OTUD7A: variants seen among roughly 807,000 people sequenced by gnomAD.
OTUD7A encodes OTU domain-containing protein 7A.
In OTUD7A, 12 loss-of-function variants were observed where a neutral mutation model predicts 65.7. The ratio of observed to expected loss-of-function variants is 0.18; its 90% CI spans 0.12 to 0.30. The LOEUF (loss-of-function observed/expected upper bound fraction) is 0.30. Among genes scored for constraint, OTUD7A ranks in the 10% least tolerant of loss-of-function variants. OTUD7A has a pLI of 1.00. For synonymous variants in OTUD7A, 641 were observed against 586.3 expected (o/e 1.09, Z -1.35); for missense variants, 1,148 against 1,304.8 (o/e 0.88, Z 1.85).
intron 1 of OTUD7A, among the ~76,000 whole-genome samples, chr15:31,833,192 TCCAAGA>T (rs1478256196): frequency 6.6e-6 from 1 of 152,186 alleles, no homozygotes; most frequent in African/African-American, 2.4e-5. Context: ...GGCCTTTATT[TCCAAGA>T]TGATTTCCCA....
chr15:31,747,030 A>AAAAAAAAAGTT (rs1407773536), intron 1 of OTUD7A, among the ~76,000 whole-genome samples: 2 of 152,148 alleles, frequency 1.3e-5, no homozygotes, highest in African/African-American at 4.8e-5. Flanking sequence ...TAAAAATACT[A>AAAAAAAAAGTT]CCACACAAAT....
chr15:31,832,533 T>C (rs1896959025), intron 1 of OTUD7A, among the ~76,000 whole-genome samples: 1 of 152,232 alleles, frequency 6.6e-6, no homozygotes. Flanking sequence ...TTCACACTGT[T>C]GTACAACCAT....
chr15:31,770,984 C>T (rs1033787697), intron 1 of OTUD7A, among the ~76,000 whole-genome samples: 7 of 152,184 alleles, frequency 4.6e-5, no homozygotes, highest in African/African-American at 1.4e-4. Flanking sequence ...TCTGCACCTA[C>T]GATCAAGAGC....
chr15:31,484,769 C>T lies in OTUD7A; in HGVS notation c.1372-45G>A. ...CGGATCGAAGGTGGTTAGAGAAGAG[C>T]TGTCCACGCGCCAGCGAGGAAGACA... On this transcript the variant is annotated intron_variant, in intron 12 of 12. Transcript: ENST00000307050. This position sits in a 1 kb window ranked among gnomAD's most constrained non-coding sequence, Gnocchi z 4.5. 1 of 1,574,774 alleles carries T rather than the reference C, an allele frequency of 6.4e-7. No homozygotes were observed. The highest frequency in any genetic ancestry group is 8.6e-7 in the Non-Finnish European group (1 of 1,166,848).
chr15:31,740,431 T>TG (rs1894310504), intron 1 of OTUD7A, among the ~76,000 whole-genome samples: 1 of 98,270 alleles, frequency 1.0e-5, no homozygotes. Flanking sequence ...GAGCAGATGG[T>TG]GGGGGGAGGG....
chr15:31,542,568 G>A (rs1052739533), intron 5 of OTUD7A, among the ~76,000 whole-genome samples: 30 of 151,866 alleles, frequency 2.0e-4, no homozygotes, highest in African/African-American at 7.0e-4. Flanking sequence ...AGAAAGGCAT[G>A]AATCAGGCAA....
intron 3 of OTUD7A, among the ~76,000 whole-genome samples, chr15:31,619,922 T>C (rs531054463): frequency 2.6e-5 from 4 of 152,220 alleles, no homozygotes; most frequent in Admixed American, 2.0e-4. Flanking sequence ...ATAGCTCTTA[T>C]TATTTCGAGA....
At chr15:31,727,631 C>T (rs993429006) in intron 1 of OTUD7A, among the ~76,000 whole-genome samples, 1 of 152,208 alleles carries the variant, frequency 6.6e-6, no homozygotes, top group Non-Finnish European at 1.5e-5. Context: ...CAACCTGGTG[C>T]CAGCTGGCCT....
chr15:31,483,185 G>C lies in OTUD7A; in HGVS notation c.*109C>G. On this transcript the variant is annotated 3_prime_UTR_variant, in exon 13 of 13. Coordinates refer to ENST00000307050, the MANE Select transcript of OTUD7A (RefSeq NM_001382637.1). ...ACCAAACACGTACACGGCACTGACA[G>C]AGGAGGCGCCGGCCTTCCGGTGGAC... The C allele has an allele frequency of 2.0e-6, 2 of 986,856 alleles. No individual in the cohort carries two copies. The highest frequency in any genetic ancestry group is 1.2e-6 in the Non-Finnish European group (1 of 821,482). The allele number at this position is 986,856 out of a possible 1,614,324, so 61.1% of individuals were successfully genotyped here. A position where few individuals can be genotyped will look rare whatever the true frequency, so the allele number is the denominator to read the frequency against.
At chr15:31,597,388 C>G (rs911871452) in intron 3 of OTUD7A, among the ~76,000 whole-genome samples, 1 of 151,972 alleles carries the variant, frequency 6.6e-6, no homozygotes, top group Admixed American at 6.6e-5. Flanking sequence ...CTTCTAGAAG[C>G]TTTTTAGGTT....
intron 1 of OTUD7A, among the ~76,000 whole-genome samples, chr15:31,744,381 A>G (rs1380462911): frequency 1.3e-5 from 2 of 152,186 alleles, no homozygotes; most frequent in African/African-American, 2.4e-5. Context: ...CCTGTAATAA[A>G]TGAAAAATAA....
chr15:31,860,678 T>TGTATATATATATATATATATATAC (rs1567059930), intron 1 of OTUD7A, among the ~76,000 whole-genome samples: 3 of 6,832 alleles, frequency 4.4e-4, no homozygotes, highest in African/African-American at 6.7e-4. Context: ...TGTATGTGTG[T>TGTATATATATATATATATATATAC]ATATATATAT....
At chr15:31,857,946 C>T (rs1225534359) in intron 1 of OTUD7A, among the ~76,000 whole-genome samples, 1 of 152,158 alleles carries the variant, frequency 6.6e-6, no homozygotes, top group Non-Finnish European at 1.5e-5. Flanking sequence ...AGAAAATCAA[C>T]AAGGGAAGGT....
intron 1 of OTUD7A, among the ~76,000 whole-genome samples, chr15:31,688,097 T>A (rs1892879421): frequency 6.6e-6 from 1 of 151,748 alleles, no homozygotes; most frequent in Non-Finnish European, 1.5e-5. Context: ...GCGCCTGTAG[T>A]CCCAGCTACT....
intron 1 of OTUD7A, among the ~76,000 whole-genome samples, chr15:31,761,602 A>G (rs549045018): frequency 2.6e-5 from 4 of 152,344 alleles, no homozygotes; most frequent in African/African-American, 9.6e-5. Flanking sequence ...GCTACTTCAA[A>G]AAATAGTTCA....
At chr15:31,679,265 C>G (rs1892659614) in intron 1 of OTUD7A, among the ~76,000 whole-genome samples, 1 of 152,200 alleles carries the variant, frequency 6.6e-6, no homozygotes, top group Admixed American at 6.5e-5. Flanking sequence ...TGCCTTGTCT[C>G]AGATGAAATT....
At chr15:31,602,216 G>C (rs1274952382) in intron 3 of OTUD7A, among the ~76,000 whole-genome samples, 2 of 152,112 alleles carry the variant, frequency 1.3e-5, no homozygotes, top group Non-Finnish European at 2.9e-5. Flanking sequence ...TAAAATACTG[G>C]CAAACCGAAT....
chr15:31,512,124 G>C (rs905371421), intron 8 of OTUD7A, among the ~76,000 whole-genome samples: 1 of 152,072 alleles, frequency 6.6e-6, no homozygotes, highest in African/African-American at 2.4e-5. Context: ...TTTTTCCTCA[G>C]TCTTGATTAC....
intron 10 of OTUD7A, among the ~76,000 whole-genome samples, chr15:31,499,505 C>T (rs533592225): frequency 6.6e-6 from 1 of 152,366 alleles, no homozygotes; most frequent in South Asian, 2.1e-4. Flanking sequence ...GTGATTTCCA[C>T]GTCCCTCTCT....
Sources: allele counts gnomAD v4.1 joint callset (sites outside exome capture counted in the v4.1 genomes callset), GRCh38; gene constraint gnomAD v4.1.1; non-coding constraint Gnocchi (gnomAD v3.1); transcripts MANE v1.5; gene names NCBI Gene and HGNC (gene_info 2026-07-23, HGNC 2026-07-21).